Variants in ODF4 observed in about 807,000 individuals in gnomAD.
ODF4 encodes the protein outer dense fiber of sperm tails 4, also known as outer dense fiber protein 4.
In ODF4, 11 loss-of-function variants were observed where a neutral mutation model predicts 17.0. The observed-to-expected ratio is 0.65, with a 90% CI of 0.41 to 1.07. The LOEUF is 1.07. ODF4 is among the 50% of genes least tolerant of loss of function. The pLI is 0.00. For missense variants in ODF4, 281 were observed against 310.2 expected, an observed-to-expected ratio of 0.91 and a Z score of 0.71; for synonymous variants, 127 against 121.8, an observed-to-expected ratio of 1.04 and a Z score of -0.28.
In ODF4 at chr17:8,340,291, C is replaced by T; in HGVS notation, c.240C>T (p.Ala80=). 6.2e-7 allele frequency: 1 copy of T among 1,613,952 alleles called. No individual in the cohort carries two copies. The highest frequency in any genetic ancestry group is 8.5e-7 in the Non-Finnish European group (1 of 1,179,918). Residue 80 remains alanine (A), a synonymous_variant, in exon 1 of 3, where the codon GCC becomes GCT. Transcript: ENST00000328248. ...TCACACACAGCTTCCGCTGGATGGC[C>T]CAGGTGTTGGCCTCTGAGCTCAGCC... The part of the protein sequence containing the change: ...WRITHSFRWM[A]QVLASELSLV...
In ODF4 at chr17:8,340,476, G is replaced by T. The variant is rs1234270383; in HGVS notation, c.425G>T (p.Arg142Met). The change falls in exon 1 of 3, where the codon AGG becomes ATG. Residue 142 changes from arginine to methionine, a missense_variant. By Grantham distance (91) the Arg-to-Met change is moderately conservative. Transcript: ENST00000328248. ...GGGCTCCTGCACTTTTACAAATCCAGGAGCTGTTCTGACTTAGAGAATGGG... is the reference window on the plus strand; with the variant it reads ...GGGCTCCTGCACTTTTACAAATCCATGAGCTGTTCTGACTTAGAGAATGGG... ...SMGLLHFYKS[R>M]SCSDLENGKV... 1 of 1,612,380 alleles carries T rather than the reference G, an allele frequency of 6.2e-7. No homozygotes were observed. Among genetic ancestry groups the T allele is most frequent in the Non-Finnish European group, 8.5e-7 (1 of 1,179,370 alleles).
In ODF4 at chr17:8,340,437, A is replaced by G. The variant is rs1729951208; in HGVS notation, c.386A>G (p.His129Arg). 6.2e-7 allele frequency: 1 copy of G among 1,613,904 alleles called. No homozygotes were observed. The highest frequency in any genetic ancestry group is 1.3e-5 in the African/African-American group (1 of 75,002). ...AGCAACAGAATCCACACATCAGCCC[A>G]CGTTATGTCCATGGGGCTCCTGCAC... is the stretch of plus-strand genomic sequence containing the variant. ...DVSNRIHTSAHVMSMGLLHFY... is the reference protein window; with the variant it reads ...DVSNRIHTSARVMSMGLLHFY... Residue 129 changes from histidine to arginine, a missense_variant, in exon 1 of 3, where the codon CAC becomes CGC. Coordinates refer to ENST00000328248, the MANE Select transcript of ODF4 (RefSeq NM_153007.5).
intron 1 of ODF4, among the ~76,000 whole-genome samples, chr17:8,341,916 C>T (rs11654538): frequency 0.35 from 52,656 of 151,850 alleles, 9,472 homozygotes; most frequent in African/African-American, 0.45. Context: ...TTTGGGGAAA[C>T]AAAAGCTATC....
intron 1 of ODF4, among the ~76,000 whole-genome samples, chr17:8,343,875 A>G (rs4792334): frequency 0.53 from 61,583 of 115,266 alleles, 23,277 homozygotes; most frequent in Admixed American, 0.68. Context: ...CTGCAACCTC[A>G]GCTTCCTGGG....
chr17:8,340,534 C>G (rs1227749758), intron 1 of ODF4, 29 bp downstream of exon 1: 1 of 1,413,666 alleles, frequency 7.1e-7, no homozygotes, highest in Non-Finnish European at 9.9e-7. Flanking sequence ...CATCCCAGCC[C>G]AGGCCGCCAG....
At position 8,345,451 on chromosome 17, in the gene ODF4, T is replaced by C; in HGVS notation, c.563T>C (p.Leu188Pro). 4 of 1,614,116 alleles carry C rather than the reference T, an allele frequency of 2.5e-6. No individual in the cohort carries two copies. The highest frequency in any genetic ancestry group is 3.4e-6 in the Non-Finnish European group (4 of 1,179,970). Residue 188 changes from leucine (L) to proline (P), a missense_variant, in exon 2 of 3, where the codon CTG becomes CCG. By Grantham distance (98) the Leu-to-Pro change is moderately conservative. Transcript: ENST00000328248. This position sits in a 1 kb window ranked among gnomAD's most constrained non-coding sequence, Gnocchi z 4.1. ...GGCTGGAGCTATTTCATTGGTTGGC[T>C]GGTGCTTATCCTATACTTCACCTGC... ...PIGWSYFIGW[L>P]VLILYFTCAI...
chr17:8,345,684 CA>C lies in ODF4; in HGVS notation c.608del (p.Asn203ThrfsTer8), dbSNP rs756872557. The C allele has an allele frequency of 1.3e-5, 21 of 1,613,954 alleles. No individual in the cohort carries two copies. The highest frequency in any genetic ancestry group is 8.9e-5 in the East Asian group (4 of 44,886). On this transcript the variant is annotated frameshift_variant, in exon 3 of 3. Coordinates refer to ENST00000328248, the MANE Select transcript of ODF4 (RefSeq NM_153007.5). LOFTEE classifies it low-confidence loss of function (END_TRUNC). This position sits in a 1 kb window ranked among gnomAD's most constrained non-coding sequence, Gnocchi z 4.1. ...CTTTCCCAGCGATCCTTTGCTACTT[CA>C]ACCATAAAAGTTTCTGGAGTCTGAT... ...YFTCAILCYFNHKSFWSLILS... is the reference protein window; with the variant it reads ...YFTCAILCYFXHKSFWSLILS...
At position 8,345,264 on chromosome 17, in the gene ODF4, G is replaced by A; in HGVS notation, c.455-79G>A. 7.4e-7 allele frequency: 1 copy of A among 1,346,906 alleles called. No individual in the cohort carries two copies. 83.4% of individuals were successfully genotyped at this position (1,346,906 alleles called of 1,614,324 possible). On this transcript the variant is annotated intron_variant, in intron 1 of 2. Coordinates refer to ENST00000328248, the MANE Select transcript of ODF4 (RefSeq NM_153007.5). This position sits in a 1 kb window ranked among gnomAD's most constrained non-coding sequence, Gnocchi z 4.1. The stretch of plus-strand genomic sequence containing the variant: ...TCTGTGTGTGGTGATGTGGTTTGTG[G>A]CTGTAGCCTAGCAGATGAGGAAGAA...
chr17:8,345,276 C>A lies in ODF4; in HGVS notation c.455-67C>A. On this transcript the variant is annotated intron_variant, in intron 1 of 2. Coordinates refer to ENST00000328248, the MANE Select transcript of ODF4 (RefSeq NM_153007.5). The surrounding 1 kb of genome is among the most constrained non-coding windows in gnomAD (Gnocchi z 4.1). Reference sequence around the variant, plus strand: ...GATGTGGTTTGTGGCTGTAGCCTAGCAGATGAGGAAGAACCTCCTGTGGGA... The same window carrying A: ...GATGTGGTTTGTGGCTGTAGCCTAGAAGATGAGGAAGAACCTCCTGTGGGA... 2 of 1,442,748 alleles carry A rather than the reference C, an allele frequency of 1.4e-6. No homozygotes were observed. The highest frequency in any genetic ancestry group is 1.9e-6 in the Non-Finnish European group (2 of 1,040,778). The allele number at this position is 1,442,748 out of a possible 1,614,324, so 89.4% of individuals were successfully genotyped here.
In ODF4 at chr17:8,345,428, C is replaced by T; in HGVS notation, c.540C>T (p.Gly180=). 1 of 1,612,752 alleles carries T rather than the reference C, an allele frequency of 6.2e-7. No homozygotes were observed. The highest frequency in any genetic ancestry group is 8.5e-7 in the Non-Finnish European group (1 of 1,178,726). Residue 180 remains glycine (G), a synonymous_variant, in exon 2 of 3, where the codon GGC becomes GGT. Coordinates refer to ENST00000328248, the MANE Select transcript of ODF4 (RefSeq NM_153007.5). This position sits in a 1 kb window ranked among gnomAD's most constrained non-coding sequence, Gnocchi z 4.1. ...ELERNVSIPI[G]WSYFIGWLVL... Reference sequence around the variant, plus strand: ...AAAGGAATGTATCCATCCCCATAGGCTGGAGCTATTTCATTGGTTGGCTGG... The same window carrying T: ...AAAGGAATGTATCCATCCCCATAGGTTGGAGCTATTTCATTGGTTGGCTGG...
In ODF4 at chr17:8,345,493, G is replaced by A. The variant is rs761603862; in HGVS notation, c.589+16G>A. ...TTCACCTGCGGTGAGTGGCCAGAGGGCCCTGGGGGAAGGAAGCGACATGGG... is the reference window on the plus strand; with the variant it reads ...TTCACCTGCGGTGAGTGGCCAGAGGACCCTGGGGGAAGGAAGCGACATGGG... On this transcript the variant is annotated intron_variant, in intron 2 of 2. Coordinates refer to ENST00000328248, the MANE Select transcript of ODF4 (RefSeq NM_153007.5). The surrounding 1 kb of genome is among the most constrained non-coding windows in gnomAD (Gnocchi z 4.1). The A allele has an allele frequency of 3.1e-6, 5 of 1,613,152 alleles. No homozygotes were observed. The highest frequency in any genetic ancestry group is 4.2e-6 in the Non-Finnish European group (5 of 1,179,516).
Position 8,345,962 on chromosome 17 carries a change from G to C in ODF4, c.*110G>C. ...CCTCATCATTGCAAGGAATGAGAAA[G>C]GGAGGATTTTGCACTCCTCTGCTTT... On this transcript the variant is annotated 3_prime_UTR_variant, in exon 3 of 3. Coordinates refer to ENST00000328248, the MANE Select transcript of ODF4 (RefSeq NM_153007.5). The surrounding 1 kb of genome is among the most constrained non-coding windows in gnomAD (Gnocchi z 4.1). 1.1e-6 allele frequency: 1 copy of C among 873,864 alleles called. No homozygotes were observed. Among genetic ancestry groups the C allele is most frequent in the Non-Finnish European group, 1.8e-6 (1 of 560,148 alleles). The allele number at this position is 873,864 out of a possible 1,614,324, so 54.1% of individuals were successfully genotyped here. A position where few individuals can be genotyped will look rare whatever the true frequency, so the allele number is the denominator to read the frequency against.
rs75106455 is a variant in ODF4, at chr17:8,340,704, G to C, written c.454+199G>C. Among the ~76,000 whole-genome samples the C allele has an allele frequency of 8.8e-3, 1,342 of 152,226 alleles. 44 individuals are homozygous for C. The East Asian group carries it at 0.13, about 14-fold the overall frequency. ...CTAAATAGATTTGATTGGTGCAATGGAAAATGTCACTGCTTTTGATAAAAC... is the reference window on the plus strand; with the variant it reads ...CTAAATAGATTTGATTGGTGCAATGCAAAATGTCACTGCTTTTGATAAAAC... On this transcript the variant is annotated intron_variant, in intron 1 of 2. Transcript: ENST00000328248.
At position 8,340,433 on chromosome 17, in the gene ODF4, G is replaced by C; in HGVS notation, c.382G>C (p.Ala128Pro). The change falls in exon 1 of 3, where the codon GCC becomes CCC. Residue 128 changes from alanine (A) to proline (P), a missense_variant. Physicochemically the swap from Ala to Pro is conservative, Grantham distance 27. Transcript: ENST00000328248. The stretch of plus-strand genomic sequence containing the variant: ...TGTCAGCAACAGAATCCACACATCA[G>C]CCCACGTTATGTCCATGGGGCTCCT... ...VDVSNRIHTSAHVMSMGLLHF... is the reference protein window; with the variant it reads ...VDVSNRIHTSPHVMSMGLLHF... 1 of 1,613,836 alleles carries C rather than the reference G, an allele frequency of 6.2e-7. No homozygotes were observed. Among genetic ancestry groups the C allele is most frequent in the Non-Finnish European group, 8.5e-7 (1 of 1,179,848 alleles).
Position 8,344,522 on chromosome 17 carries a change from C to T in ODF4, c.455-821C>T, listed in dbSNP as rs1349702260. Among the ~76,000 whole-genome samples the T allele has an allele frequency of 7.1e-5, 9 of 126,078 alleles. 1 individual carries two copies. The highest frequency in any genetic ancestry group is 1.7e-4 in the African/African-American group (5 of 30,296). The allele number at this position is 126,078 out of a possible 152,430, so 82.7% of individuals were successfully genotyped here. A position where few individuals can be genotyped will look rare whatever the true frequency, so the allele number is the denominator to read the frequency against. On this transcript the variant is annotated intron_variant, in intron 1 of 2. Coordinates refer to ENST00000328248, the MANE Select transcript of ODF4 (RefSeq NM_153007.5). ...TTTTTTGTTTTTTGTTTTTTGCAGG[C>T]GGCGTCTCGCTCTGTTGCCCAGGCT...
In ODF4 at chr17:8,339,997, A is replaced by G; in HGVS notation, c.-55A>G. ...ATGAAAATATCCAAAAGATGAGAAG[A>G]GACAATTGAGTCTGGTGAGGGAAAG... On this transcript the variant is annotated 5_prime_UTR_variant, in exon 1 of 3. Transcript: ENST00000328248. 1 of 1,152,456 alleles carries G rather than the reference A, an allele frequency of 8.7e-7. No homozygotes were observed. The allele number at this position is 1,152,456 out of a possible 1,614,324, so 71.4% of individuals were successfully genotyped here. A position where few individuals can be genotyped will look rare whatever the true frequency, so the allele number is the denominator to read the frequency against.
Position 8,345,099 on chromosome 17 carries a change from C to A in ODF4, c.455-244C>A, listed in dbSNP as rs1394426494. The A allele has an allele frequency of 2.3e-6, 2 of 870,894 alleles. No homozygotes were observed. The highest frequency in any genetic ancestry group is 3.2e-6 in the Non-Finnish European group (2 of 630,906). The allele number at this position is 870,894 out of a possible 1,614,324, so 53.9% of individuals were successfully genotyped here. A position where few individuals can be genotyped will look rare whatever the true frequency, so the allele number is the denominator to read the frequency against. On this transcript the variant is annotated intron_variant, in intron 1 of 2. Transcript: ENST00000328248. The surrounding 1 kb of genome is among the most constrained non-coding windows in gnomAD (Gnocchi z 4.1). Reference sequence around the variant, plus strand: ...TTCCTAACCCCCATCTTCCTGGGCACTTCTCCCTCTTCTTTGGGGGTGGTA... The same window carrying A: ...TTCCTAACCCCCATCTTCCTGGGCAATTCTCCCTCTTCTTTGGGGGTGGTA...
rs998741596 is a variant in ODF4, at chr17:8,345,916, C to T, written c.*64C>T. The T allele has an allele frequency of 7.1e-7, 1 of 1,405,032 alleles. No individual in the cohort carries two copies. Among genetic ancestry groups the T allele is most frequent in the East Asian group, 2.3e-5 (1 of 43,608 alleles). The allele number at this position is 1,405,032 out of a possible 1,614,324, so 87.0% of individuals were successfully genotyped here. A position where few individuals can be genotyped will look rare whatever the true frequency, so the allele number is the denominator to read the frequency against. On this transcript the variant is annotated 3_prime_UTR_variant, in exon 3 of 3. Transcript: ENST00000328248. This position sits in a 1 kb window ranked among gnomAD's most constrained non-coding sequence, Gnocchi z 4.1. ...TCTGACCCCATCTCCTCATCCTCCCCCAGCCCTTGAATAGGTTGGTCCTCA... is the reference window on the plus strand; with the variant it reads ...TCTGACCCCATCTCCTCATCCTCCCTCAGCCCTTGAATAGGTTGGTCCTCA...
chr17:8,345,235 T>A lies in ODF4; in HGVS notation c.455-108T>A. The A allele has an allele frequency of 2.9e-6, 3 of 1,043,916 alleles. No homozygotes were observed. Among genetic ancestry groups the A allele is most frequent in the Non-Finnish European group, 4.2e-6 (3 of 706,852 alleles). The allele number at this position is 1,043,916 out of a possible 1,614,324, so 64.7% of individuals were successfully genotyped here. A position where few individuals can be genotyped will look rare whatever the true frequency, so the allele number is the denominator to read the frequency against. ...TTGACTCCTGGAACCTCAGGGCCAGTCACTCTGTGTGTGGTGATGTGGTTT... is the reference window on the plus strand; with the variant it reads ...TTGACTCCTGGAACCTCAGGGCCAGACACTCTGTGTGTGGTGATGTGGTTT... On this transcript the variant is annotated intron_variant, in intron 1 of 2. Coordinates refer to ENST00000328248, the MANE Select transcript of ODF4 (RefSeq NM_153007.5). The surrounding 1 kb of genome is among the most constrained non-coding windows in gnomAD (Gnocchi z 4.1).
Sources: allele counts gnomAD v4.1 joint callset (sites outside exome capture counted in the v4.1 genomes callset), GRCh38; gene constraint gnomAD v4.1.1; non-coding constraint Gnocchi (gnomAD v3.1); transcripts MANE v1.5; gene names NCBI Gene and HGNC (gene_info 2026-07-23, HGNC 2026-07-21).